The following ENTREP2 variants were observed in gnomAD, a reference collection of about 807,000 sequenced individuals.
The protein encoded by ENTREP2 is endosomal transmembrane epsin interactor 2.
chr15:29,272,682 C>G, the ENTREP2 span, among the ~76,000 whole-genome samples: 2 of 152,116 alleles, frequency 1.3e-5, 1 homozygote, highest in South Asian at 4.1e-4. Context: ...GCCAAATATA[C>G]ATATTTAATA....
chr15:29,483,089 T>G, the ENTREP2 span, among the ~76,000 whole-genome samples: 1 of 152,268 alleles, frequency 6.6e-6, no homozygotes, highest in Non-Finnish European at 1.5e-5. Context: ...TTCCTAATGA[T>G]ATATGATGTT....
the ENTREP2 span, among the ~76,000 whole-genome samples, chr15:29,488,377 C>A: frequency 6.6e-6 from 1 of 151,992 alleles, no homozygotes; most frequent in Non-Finnish European, 1.5e-5. Context: ...ATTATCCAGT[C>A]TGAGAGGAAG....
chr15:29,619,958 C>A, the ENTREP2 span, among the ~76,000 whole-genome samples: 1 of 152,116 alleles, frequency 6.6e-6, no homozygotes, highest in Admixed American at 6.5e-5. Context: ...AGGATCCATT[C>A]CAGCTTTCCC....
the ENTREP2 span, among the ~76,000 whole-genome samples, chr15:29,490,059 T>C: frequency 5.3e-5 from 8 of 152,188 alleles, no homozygotes; most frequent in African/African-American, 1.4e-4. Flanking sequence ...TAGTCAAAGG[T>C]GGTCCATTCT....
the ENTREP2 span, among the ~76,000 whole-genome samples, chr15:29,280,705 G>A: frequency 3.3e-5 from 5 of 152,204 alleles, no homozygotes; most frequent in Admixed American, 6.5e-5. Flanking sequence ...CTCAGCTGGC[G>A]TGGCTGCAGC....
At chr15:29,264,012 G>A in the ENTREP2 span, among the ~76,000 whole-genome samples, 1 of 151,932 alleles carries the variant, frequency 6.6e-6, no homozygotes, top group Non-Finnish European at 1.5e-5. Flanking sequence ...AAAATTAGCT[G>A]GGCATGGTGG....
the ENTREP2 span, among the ~76,000 whole-genome samples, chr15:29,367,803 T>TA: frequency 1.2e-4 from 18 of 152,244 alleles, no homozygotes; most frequent in Admixed American, 1.2e-3. Flanking sequence ...ACTAACTTGG[T>TA]AGACAATTCA....
At chr15:29,652,260 G>A in the ENTREP2 span, among the ~76,000 whole-genome samples, 1 of 152,176 alleles carries the variant, frequency 6.6e-6, no homozygotes, top group African/African-American at 2.4e-5. Flanking sequence ...CCACCCCAGG[G>A]CCTTCTCCTC....
At chr15:29,579,548 C>T in the ENTREP2 span, among the ~76,000 whole-genome samples, 1 of 140,374 alleles carries the variant, frequency 7.1e-6, no homozygotes. Flanking sequence ...GAGATGGAGT[C>T]TCGCTCTGTC....
At chr15:29,488,958 A>G in the ENTREP2 span, among the ~76,000 whole-genome samples, 1,141 of 152,350 alleles carry the variant, frequency 7.5e-3, 7 homozygotes, top group Non-Finnish European at 0.011. Context: ...TCCAGGGGCT[A>G]GGAGAGGGGA....
the ENTREP2 span, among the ~76,000 whole-genome samples, chr15:29,411,978 T>G: frequency 2.6e-5 from 4 of 152,210 alleles, no homozygotes; most frequent in African/African-American, 9.7e-5. Flanking sequence ...GTCTATAGCT[T>G]AAAAATGAGT....
At chr15:29,492,332 A>G in the ENTREP2 span, among the ~76,000 whole-genome samples, 1 of 152,236 alleles carries the variant, frequency 6.6e-6, no homozygotes, top group African/African-American at 2.4e-5. Context: ...GGCATTATTT[A>G]GATTGATTAA....
the ENTREP2 span, among the ~76,000 whole-genome samples, chr15:29,347,670 GA>G: frequency 1.3e-5 from 2 of 152,132 alleles, no homozygotes; most frequent in African/African-American, 4.8e-5. Flanking sequence ...AAAGTGCTAG[GA>G]AACGATGGAC....
At chr15:29,591,618 G>A in the ENTREP2 span, among the ~76,000 whole-genome samples, 77 of 152,170 alleles carry the variant, frequency 5.1e-4, no homozygotes, top group Middle Eastern at 3.4e-3. Flanking sequence ...AGAAGGCTGG[G>A]TGCGGTGGTT....
At chr15:29,193,207 C>T in the ENTREP2 span, among the ~76,000 whole-genome samples, 1 of 152,034 alleles carries the variant, frequency 6.6e-6, no homozygotes, top group Admixed American at 6.6e-5. Context: ...CGAGAACTGG[C>T]AAAGCATTGT....
the ENTREP2 span, chr15:29,252,523 C>T: frequency 1.4e-5 from 16 of 1,176,660 alleles, no homozygotes; most frequent in Non-Finnish European, 1.7e-5. Flanking sequence ...CTTGGAGAGG[C>T]TCAAAGGAAA....
chr15:29,642,502 T>C, the ENTREP2 span, among the ~76,000 whole-genome samples: 3 of 147,602 alleles, frequency 2.0e-5, no homozygotes, highest in Non-Finnish European at 4.5e-5. Context: ...TATATACACA[T>C]ATATATCATA....
chr15:29,516,606 A>AT, the ENTREP2 span, among the ~76,000 whole-genome samples: 3 of 151,554 alleles, frequency 2.0e-5, no homozygotes, highest in Admixed American at 6.6e-5. Flanking sequence ...AAAGGAGGGG[A>AT]TGGGGGGGTG....
At chr15:29,291,001 G>A in the ENTREP2 span, among the ~76,000 whole-genome samples, 1 of 152,196 alleles carries the variant, frequency 6.6e-6, no homozygotes, top group Non-Finnish European at 1.5e-5. Context: ...GATGGGCCAT[G>A]TGCCTGAGTC....
Sources: allele counts gnomAD v4.1 joint callset (sites outside exome capture counted in the v4.1 genomes callset), GRCh38; gene constraint gnomAD v4.1.1; transcripts MANE v1.5; gene names NCBI Gene and HGNC (gene_info 2026-07-23, HGNC 2026-07-21).